Variants in NRG3 observed in about 807,000 individuals in gnomAD.
NRG3 encodes neuregulin 3, also known as pro-neuregulin-3, membrane-bound isoform.
NRG3 carries 31 observed loss-of-function variants against 66.9 expected under a neutral mutation model. That is an observed-to-expected ratio of 0.46 (90% CI 0.35 to 0.63). The LOEUF (loss-of-function observed/expected upper bound fraction) is 0.63. Among genes scored for constraint, NRG3 ranks in the 20% least tolerant of loss-of-function variants. The pLI is 0.00. For missense variants in NRG3, 910 were observed against 878.9 expected (o/e 1.04, Z -0.45); for synonymous variants, 393 against 359.4 (o/e 1.09, Z -1.06).
At chr10:82,924,280 G>A (rs1846762365) in intron 4 of NRG3, among the ~76,000 whole-genome samples, 1 of 151,966 alleles carries the variant, frequency 6.6e-6, no homozygotes, top group Non-Finnish European at 1.5e-5. Context: ...GACCAGAACC[G>A]AACTATTACT....
intron 1 of NRG3, among the ~76,000 whole-genome samples, chr10:82,083,254 GTTTA>G (rs996635245): frequency 1.3e-3 from 195 of 151,878 alleles, no homozygotes; most frequent in African/African-American, 4.5e-3. Context: ...TGTTTTGAGT[GTTTA>G]TTTATGATAT....
Position 81,881,453 on chromosome 10 carries a change from C to G in NRG3, c.823+5290C>G, listed in dbSNP as rs200149808. Among the ~76,000 whole-genome samples, 11 of 152,218 alleles carry G rather than the reference C, an allele frequency of 7.2e-5. No homozygotes were observed. In the East Asian group the frequency reaches 7.7e-4, roughly 11 times the overall value. ...ACCTGATGGAAGCTAATGGTCATTTCTTTTCCCCCATAGATTGGTATACAA... is the reference window on the plus strand; with the variant it reads ...ACCTGATGGAAGCTAATGGTCATTTGTTTTCCCCCATAGATTGGTATACAA... On this transcript the variant is annotated intron_variant, in intron 1 of 8. Transcript: ENST00000372141.
At chr10:82,895,947 C>T (rs983623335) in intron 4 of NRG3, among the ~76,000 whole-genome samples, 1 of 151,968 alleles carries the variant, frequency 6.6e-6, no homozygotes, top group Non-Finnish European at 1.5e-5. Context: ...TTGATAGGAT[C>T]GAATGAAATA....
chr10:82,565,898 A>G (rs1171391070), intron 2 of NRG3, among the ~76,000 whole-genome samples: 3 of 152,104 alleles, frequency 2.0e-5, no homozygotes, highest in African/African-American at 7.2e-5. Context: ...GCTTCTAATG[A>G]GAAGTCGCAT....
rs1554851831 is a variant in NRG3 at position 82,216,452 on chromosome 10, T to TATA, written c.824-142287_824-142286insATA. On this transcript the variant is annotated intron_variant, in intron 1 of 8. Coordinates refer to ENST00000372141, the MANE Select transcript of NRG3 (RefSeq NM_001010848.4). ...GATAGTAGAAATTAGAAAATACATTTTATATATATGTGTGTGTGTGTGTGT... is the reference window on the plus strand; with the variant it reads ...GATAGTAGAAATTAGAAAATACATTTATATATATATATGTGTGTGTGTGTGTGT... 1.2e-3 allele frequency among the ~76,000 whole-genome samples: 177 copies of TATA among 143,496 alleles called. 1 individual carries two copies. The highest frequency in any genetic ancestry group is 2.3e-3 in the African/African-American group (84 of 36,832). The allele number at this position is 143,496 out of a possible 152,430, so 94.1% of individuals were successfully genotyped here. A position where few individuals can be genotyped will look rare whatever the true frequency, so the allele number is the denominator to read the frequency against.
chr10:82,147,867 C>T (rs193025396), intron 1 of NRG3, among the ~76,000 whole-genome samples: 51 of 152,266 alleles, frequency 3.3e-4, no homozygotes, highest in Admixed American at 1.1e-3. Context: ...ATGTTACAGT[C>T]CCAGTTTTCT....
chr10:81,906,644 G>T (rs1844631603), intron 1 of NRG3, among the ~76,000 whole-genome samples: 1 of 152,176 alleles, frequency 6.6e-6, no homozygotes. Flanking sequence ...GAAGTAGCCA[G>T]GGTGGGGTTA....
intron 2 of NRG3, among the ~76,000 whole-genome samples, chr10:82,397,459 A>C (rs2086786487): frequency 6.6e-6 from 1 of 152,244 alleles, no homozygotes; most frequent in Non-Finnish European, 1.5e-5. Flanking sequence ...CTAAGCAAGA[A>C]ATAAAATTAA....
chr10:82,197,023 C>T (rs780460454), intron 1 of NRG3, among the ~76,000 whole-genome samples: 8 of 152,126 alleles, frequency 5.3e-5, no homozygotes, highest in Non-Finnish European at 1.2e-4. Context: ...TCATGGAAGT[C>T]CATAAACGCA....
intron 2 of NRG3, among the ~76,000 whole-genome samples, chr10:82,461,194 A>G (rs1350626104): frequency 2.0e-5 from 3 of 149,190 alleles, no homozygotes; most frequent in Non-Finnish European, 4.5e-5. Context: ...TCACCACCAC[A>G]ATCACCACCA....
intron 1 of NRG3, among the ~76,000 whole-genome samples, chr10:81,897,587 G>A (rs1477010135): frequency 6.6e-6 from 1 of 151,512 alleles, no homozygotes; most frequent in Non-Finnish European, 1.5e-5. Flanking sequence ...GGAGGGTAGA[G>A]CAATGAGTTG....
intron 2 of NRG3, among the ~76,000 whole-genome samples, chr10:82,729,460 A>G (rs1000350015): frequency 3.3e-5 from 5 of 152,096 alleles, no homozygotes; most frequent in African/African-American, 1.2e-4. Flanking sequence ...TTTATACCAG[A>G]TGTGGTAAAA....
intron 2 of NRG3, among the ~76,000 whole-genome samples, chr10:82,652,470 C>G (rs2051500873): frequency 6.6e-6 from 1 of 152,116 alleles, no homozygotes. Context: ...CTGGCCATCT[C>G]CAGATGGATT....
intron 2 of NRG3, among the ~76,000 whole-genome samples, chr10:82,655,421 A>C (rs752031471): frequency 6.6e-6 from 1 of 152,162 alleles, no homozygotes; most frequent in Non-Finnish European, 1.5e-5. Flanking sequence ...GATTATGCAA[A>C]CACACATGAA....
At chr10:82,649,598 C>T (rs1421907234) in intron 2 of NRG3, among the ~76,000 whole-genome samples, 1 of 151,036 alleles carries the variant, frequency 6.6e-6, no homozygotes, top group Non-Finnish European at 1.5e-5. Flanking sequence ...GGATTACAGG[C>T]ACACACCACC....
chr10:82,703,849 AGGC>A (rs2056086522), intron 2 of NRG3, among the ~76,000 whole-genome samples: 1 of 152,120 alleles, frequency 6.6e-6, no homozygotes, highest in Non-Finnish European at 1.5e-5. Flanking sequence ...ATTTCTGTTT[AGGC>A]ACCCAGAACT....
intron 4 of NRG3, among the ~76,000 whole-genome samples, chr10:82,910,445 T>A (rs1175628870): frequency 1.3e-5 from 2 of 152,256 alleles, no homozygotes; most frequent in Non-Finnish European, 2.9e-5. Flanking sequence ...GTAAACTTGC[T>A]GTGTTAGGCA....
Position 82,305,378 on chromosome 10 carries a change from A to G in NRG3, c.824-53361A>G, listed in dbSNP as rs1350164026. Among the ~76,000 whole-genome samples the G allele has an allele frequency of 4.6e-5, 7 of 152,168 alleles. No individual in the cohort carries two copies. The East Asian group carries it at 5.8e-4, about 13-fold the overall frequency. On this transcript the variant is annotated intron_variant, in intron 1 of 8. Coordinates refer to ENST00000372141, the MANE Select transcript of NRG3 (RefSeq NM_001010848.4). The stretch of plus-strand genomic sequence containing the variant: ...CTCTCTTGTTGCAATTCACTGGCTT[A>G]TATTTATTTGATAAAATTTCCATAT...
chr10:82,264,171 C>T (rs1267622975), intron 1 of NRG3, among the ~76,000 whole-genome samples: 1 of 152,152 alleles, frequency 6.6e-6, no homozygotes, highest in Non-Finnish European at 1.5e-5. Flanking sequence ...TTCGTTCTCA[C>T]ATTGCTAATA....
Sources: allele counts gnomAD v4.1 joint callset (sites outside exome capture counted in the v4.1 genomes callset), GRCh38; gene constraint gnomAD v4.1.1; transcripts MANE v1.5; gene names NCBI Gene and HGNC (gene_info 2026-07-23, HGNC 2026-07-21).